The following NARF variants were observed in gnomAD, a reference collection of about 807,000 sequenced individuals.
NARF encodes the protein nuclear prelamin A recognition factor.
Under a neutral mutation model 48.0 loss-of-function variants are expected in NARF, and 41 were observed. The ratio of observed to expected loss-of-function variants is 0.85; its 90% CI spans 0.66 to 1.11. NARF has a LOEUF of 1.11. Among genes scored for constraint, NARF ranks in the 50% least tolerant of loss-of-function variants. The pLI, the probability that NARF is intolerant of heterozygous loss-of-function variation, is 0.00. For synonymous variants in NARF, 215 were observed against 225.5 expected (o/e 0.95, Z 0.42); for missense variants, 613 against 590.2 (o/e 1.04, Z -0.40).
chr17:82,470,419 G>T (rs896605798), intron 4 of NARF, among the ~76,000 whole-genome samples: 3 of 152,038 alleles, frequency 2.0e-5, no homozygotes, highest in Non-Finnish European at 2.9e-5. Context: ...ATGATGTAAC[G>T]GAATGTTATA....
intron 10 of NARF, among the ~76,000 whole-genome samples, chr17:82,487,200 G>A (rs1287485217): frequency 6.6e-6 from 1 of 152,098 alleles, no homozygotes; most frequent in Non-Finnish European, 1.5e-5. Context: ...AGAGGCACAC[G>A]GGTCCAGGCA....
intron 3 of NARF, among the ~76,000 whole-genome samples, chr17:82,466,733 G>GTGA (rs1259389185): frequency 1.3e-5 from 2 of 151,046 alleles, no homozygotes; most frequent in African/African-American, 2.4e-5. Flanking sequence ...GATTACAGAC[G>GTGA]TGAGCCACCA....
In NARF at chr17:82,488,029, A is replaced by G. The variant is rs748773227; in HGVS notation, c.1243A>G (p.Ser415Gly). The G allele has an allele frequency of 1.9e-6, 3 of 1,614,094 alleles. No individual in the cohort carries two copies. The highest frequency in any genetic ancestry group is 2.5e-6 in the Non-Finnish European group (3 of 1,180,040). Reference protein sequence around the residue: ...ADIPVRRPESSAHVQELYQEW... With the variant: ...ADIPVRRPESGAHVQELYQEW... ...CATCCCTGTGCGGCGTCCGGAGTCCAGTGCACACGTGCAGGAGCTGTACCA... is the reference window on the plus strand; with the variant it reads ...CATCCCTGTGCGGCGTCCGGAGTCCGGTGCACACGTGCAGGAGCTGTACCA... The change falls in exon 11 of 11, where the codon AGT becomes GGT. Residue 415 changes from serine (S) to glycine (G), a missense_variant. Physicochemically the swap from Ser to Gly is moderately conservative, Grantham distance 56. Coordinates refer to ENST00000309794, the MANE Select transcript of NARF (RefSeq NM_012336.4).
rs1280721525 is a variant in NARF, at chr17:82,490,011, G to C, written c.*1854G>C. On this transcript the variant is annotated 3_prime_UTR_variant, in exon 11 of 11. Transcript: ENST00000309794. ...CCTGGCTAATTGTATTCTTAGTTGA[G>C]ACGGGTTTCGCCATGTTGATCGGGC... 6.6e-6 allele frequency: 1 copy of C among 152,224 alleles called. No homozygotes were observed. The highest frequency in any genetic ancestry group is 2.4e-5 in the African/African-American group (1 of 41,452). The allele number at this position is 152,224 out of a possible 1,614,324, so 9.4% of individuals were successfully genotyped here.
chr17:82,469,013 T>A, intron 4 of NARF, 117 bp downstream of exon 4: 1 of 1,159,324 alleles, frequency 8.6e-7, no homozygotes, highest in Non-Finnish European at 1.2e-6. Context: ...CAAAAGAGTC[T>A]CTTGGAACGT....
intron 1 of NARF, chr17:82,459,314 G>GT (rs2043371619): frequency 2.4e-6 from 1 of 421,554 alleles, no homozygotes; most frequent in Admixed American, 6.4e-5. Flanking sequence ...GGGGGGTTTT[G>GT]TAGCTGTTAT....
chr17:82,459,027 C>T lies in NARF; in HGVS notation c.27+197C>T, dbSNP rs891244495. The T allele has an allele frequency of 5.8e-6, 7 of 1,208,418 alleles. No homozygotes were observed. In the African/African-American group the frequency reaches 9.4e-5, roughly 16 times the overall value. 74.9% of individuals were successfully genotyped at this position (1,208,418 alleles called of 1,614,324 possible). ...CTGCGCTCTGCAGGGCGGGTTCGGT[C>T]TTCGCGGTTCTCCCTGAACTTGTCC... On this transcript the variant is annotated intron_variant, in intron 1 of 10. Transcript: ENST00000309794.
chr17:82,469,463 A>C (rs2043647222), intron 4 of NARF, among the ~76,000 whole-genome samples: 1 of 152,192 alleles, frequency 6.6e-6, no homozygotes, highest in African/African-American at 2.4e-5. Context: ...CTTTGGTCAA[A>C]GGGGAACTGC....
At chr17:82,483,404 T>C (rs986521527) in intron 7 of NARF, 1 of 346,654 alleles carries the variant, frequency 2.9e-6, no homozygotes, top group Non-Finnish European at 5.5e-6. Flanking sequence ...GTTTGTTTCA[T>C]GCAAAGTAGG....
chr17:82,459,086 C>G, intron 1 of NARF: 2 of 1,194,542 alleles, frequency 1.7e-6, no homozygotes, highest in Non-Finnish European at 2.1e-6. Context: ...CGGAAACGCA[C>G]GGAGACCGAG....
At chr17:82,481,612 C>G (rs2043966559) in intron 7 of NARF, among the ~76,000 whole-genome samples, 1 of 152,076 alleles carries the variant, frequency 6.6e-6, no homozygotes, top group Non-Finnish European at 1.5e-5. Context: ...TGCCTGTAAT[C>G]CCAGCTGCTC....
At chr17:82,483,814 G>A (rs1219499847) in intron 8 of NARF, 35 bp downstream of exon 8, 10 of 1,603,412 alleles carry the variant, frequency 6.2e-6, no homozygotes, top group Admixed American at 3.3e-5. Context: ...CCTCTGGGGG[G>A]CAGGACCTCT....
chr17:82,484,709 G>A, intron 8 of NARF, 104 bp from the exon 9 acceptor site: 3 of 1,390,004 alleles, frequency 2.2e-6, no homozygotes, highest in Non-Finnish European at 2.9e-6. Context: ...TAGCTTCTTT[G>A]GTGGCGAACT....
intron 7 of NARF, among the ~76,000 whole-genome samples, chr17:82,481,526 C>T (rs541594945): frequency 1.3e-5 from 2 of 152,110 alleles, no homozygotes; most frequent in East Asian, 3.9e-4. Flanking sequence ...GTCAGGAGTT[C>T]GAGACCAGCC....
chr17:82,480,523 A>G, intron 6 of NARF: 1 of 403,868 alleles, frequency 2.5e-6, no homozygotes, highest in Non-Finnish European at 4.4e-6. Context: ...GCAGACAGAC[A>G]TGGATGGAGT....
intron 3 of NARF, among the ~76,000 whole-genome samples, chr17:82,466,247 C>T (rs1313279967): frequency 1.3e-5 from 2 of 152,212 alleles, no homozygotes; most frequent in African/African-American, 4.8e-5. Flanking sequence ...CAGCTGTGTG[C>T]AGCCATCCTG....
intron 10 of NARF, among the ~76,000 whole-genome samples, chr17:82,486,842 T>C (rs1173373524): frequency 6.6e-6 from 1 of 152,204 alleles, no homozygotes; most frequent in South Asian, 2.1e-4. Context: ...AAATGAACTC[T>C]TACACTACTA....
chr17:82,470,293 T>G (rs969096603), intron 4 of NARF, among the ~76,000 whole-genome samples: 2 of 152,044 alleles, frequency 1.3e-5, no homozygotes, highest in Non-Finnish European at 2.9e-5. Flanking sequence ...GTTAGGTCGC[T>G]CCTTCATGCT....
Position 82,464,384 on chromosome 17 carries a change from C to G in NARF, c.206C>G (p.Ser69Cys), listed in dbSNP as rs569001009. The change falls in exon 3 of 11, where the codon TCC becomes TGC. Residue 69 changes from serine to cysteine, a missense_variant. Coordinates refer to ENST00000309794, the MANE Select transcript of NARF (RefSeq NM_012336.4). Reference sequence around the variant, plus strand: ...ACTGCAGAGGAAGGAGTCCAACTTTCCCAGCAAAATGCCAAGGACTTCTTC... The same window carrying G: ...ACTGCAGAGGAAGGAGTCCAACTTTGCCAGCAAAATGCCAAGGACTTCTTC... Reference protein sequence around the residue: ...CMTAEEGVQLSQQNAKDFFRV... With the variant: ...CMTAEEGVQLCQQNAKDFFRV... 23 of 1,614,014 alleles carry G rather than the reference C, an allele frequency of 1.4e-5. No homozygotes were observed. In the Admixed American group the frequency reaches 2.2e-4, roughly 15 times the overall value.
Sources: gnomAD v4.1 joint callset for allele counts (sites outside exome capture counted in the v4.1 genomes callset) on GRCh38, gnomAD v4.1.1 for gene constraint, MANE v1.5 for transcripts, NCBI Gene and HGNC (gene_info 2026-07-23, HGNC 2026-07-21) for gene names.